MCUB: variants seen among roughly 807,000 people sequenced by gnomAD.
MCUB encodes mitochondrial calcium uniporter dominant negative subunit beta.
In MCUB, 46 loss-of-function variants were observed where a neutral mutation model predicts 41.4. The observed-to-expected ratio is 1.11, with a 90% CI of 0.88 to 1.42. The LOEUF (loss-of-function observed/expected upper bound fraction) is 1.42. Ranked by LOEUF, MCUB falls within the 40% of genes most tolerant of loss-of-function variation. The pLI is 0.00. For synonymous variants in MCUB, 148 were observed against 148.2 expected (o/e 1.00, Z 0.01); for missense variants, 403 against 404.9 (o/e 1.00, Z 0.04).
intron 7 of MCUB, 143 bp from the exon 8 acceptor site, chr4:109,687,372 A>C (rs1183649477): frequency 6.9e-6 from 4 of 582,096 alleles, no homozygotes; most frequent in African/African-American, 3.8e-5. Flanking sequence ...AAAAATATAT[A>C]TATATTTCAG....
At chr4:109,608,452 G>C (rs1727928050) in intron 1 of MCUB, among the ~76,000 whole-genome samples, 1 of 152,042 alleles carries the variant, frequency 6.6e-6, no homozygotes, top group East Asian at 1.9e-4. Context: ...GGTATTTGTA[G>C]ATATTTATTG....
chr4:109,638,441 G>A (rs1301477322), intron 1 of MCUB, among the ~76,000 whole-genome samples: 4 of 149,264 alleles, frequency 2.7e-5, no homozygotes, highest in East Asian at 3.9e-4. Context: ...CATACATTAA[G>A]ATACTTTATT....
In MCUB at chr4:109,686,290, C is replaced by T. The variant is rs535437781; in HGVS notation, c.933+923C>T. Reference sequence around the variant, plus strand: ...GTTAGCTGTGATTATAGGCGCCCGCCACCACACCTGGTTACTTTTTGTATT... The same window carrying T: ...GTTAGCTGTGATTATAGGCGCCCGCTACCACACCTGGTTACTTTTTGTATT... On this transcript the variant is annotated intron_variant, in intron 7 of 7. Transcript: ENST00000394650. Among the ~76,000 whole-genome samples the T allele has an allele frequency of 5.9e-5, 9 of 152,194 alleles. No homozygotes were observed. In the East Asian group the frequency reaches 1.7e-3, roughly 29 times the overall value.
At chr4:109,656,800 G>A (rs542747519) in intron 1 of MCUB, among the ~76,000 whole-genome samples, 1 of 152,058 alleles carries the variant, frequency 6.6e-6, no homozygotes, top group African/African-American at 2.4e-5. Context: ...AGTAGTAGAC[G>A]GTATTGTAAT....
chr4:109,648,664 A>G (rs1728890232), intron 1 of MCUB: 1 of 431,670 alleles, frequency 2.3e-6, no homozygotes, highest in South Asian at 1.7e-5. Flanking sequence ...GTAAGAGTTC[A>G]TCAAAAGAGA....
intron 1 of MCUB, among the ~76,000 whole-genome samples, chr4:109,583,000 G>A (rs1197754632): frequency 6.6e-6 from 1 of 152,146 alleles, no homozygotes; most frequent in Non-Finnish European, 1.5e-5. Context: ...GTCGCATGAT[G>A]CCTCCAGCTT....
chr4:109,637,428 C>T (rs977248644), intron 1 of MCUB, among the ~76,000 whole-genome samples: 4 of 152,130 alleles, frequency 2.6e-5, no homozygotes, highest in South Asian at 2.1e-4. Flanking sequence ...AGTCATTATA[C>T]GAAAAAGATA....
At chr4:109,652,526 C>A (rs1005251134) in intron 1 of MCUB, among the ~76,000 whole-genome samples, 1 of 152,070 alleles carries the variant, frequency 6.6e-6, no homozygotes, top group Non-Finnish European at 1.5e-5. Context: ...ATTGAGAGGT[C>A]GCATCTGGTC....
intron 1 of MCUB, among the ~76,000 whole-genome samples, chr4:109,562,125 T>A (rs191675247): frequency 6.6e-6 from 1 of 152,100 alleles, no homozygotes; most frequent in Non-Finnish European, 1.5e-5. Context: ...CTGCCCTTTC[T>A]CAAATTATCA....
chr4:109,568,505 C>T (rs1360720903), intron 1 of MCUB, among the ~76,000 whole-genome samples: 4 of 152,034 alleles, frequency 2.6e-5, no homozygotes, highest in African/African-American at 9.7e-5. Flanking sequence ...GTTCCCCAGG[C>T]GGTAGTGCCT....
intron 1 of MCUB, among the ~76,000 whole-genome samples, chr4:109,606,379 T>C (rs977856485): frequency 1.3e-5 from 2 of 152,150 alleles, no homozygotes; most frequent in Non-Finnish European, 2.9e-5. Context: ...AAGGACCTAC[T>C]CCTGCCATTT....
intron 1 of MCUB, among the ~76,000 whole-genome samples, chr4:109,604,334 C>T (rs1224115633): frequency 6.6e-6 from 1 of 151,982 alleles, no homozygotes; most frequent in African/African-American, 2.4e-5. Context: ...GTCCTGTGAC[C>T]CTGCCAAATC....
chr4:109,616,783 AAAGTC>A (rs1296422741), intron 1 of MCUB, among the ~76,000 whole-genome samples: 1 of 152,190 alleles, frequency 6.6e-6, no homozygotes, highest in Non-Finnish European at 1.5e-5. Flanking sequence ...AACATGTACT[AAAGTC>A]AAAAGTACAA....
chr4:109,676,253 G>A (rs1729576016), intron 4 of MCUB, among the ~76,000 whole-genome samples: 1 of 152,142 alleles, frequency 6.6e-6, no homozygotes, highest in African/African-American at 2.4e-5. Context: ...AAATATCGAT[G>A]GTAGGCTGGG....
chr4:109,643,053 A>C (rs1053866885), intron 1 of MCUB, among the ~76,000 whole-genome samples: 8 of 151,842 alleles, frequency 5.3e-5, no homozygotes, highest in African/African-American at 1.7e-4. Flanking sequence ...TTGGCCTCCC[A>C]AAGTGCTGGG....
intron 1 of MCUB, among the ~76,000 whole-genome samples, chr4:109,578,232 G>A (rs897972122): frequency 6.6e-6 from 1 of 152,154 alleles, no homozygotes; most frequent in African/African-American, 2.4e-5. Flanking sequence ...ATCCTCCTAA[G>A]TGCTCATAAA....
At chr4:109,652,368 G>C (rs1258700200) in intron 1 of MCUB, among the ~76,000 whole-genome samples, 4 of 152,138 alleles carry the variant, frequency 2.6e-5, no homozygotes, top group Non-Finnish European at 5.9e-5. Flanking sequence ...GTGGAAATAA[G>C]CCATAATCTT....
At chr4:109,595,260 A>G (rs1004542821) in intron 1 of MCUB, among the ~76,000 whole-genome samples, 1 of 152,238 alleles carries the variant, frequency 6.6e-6, no homozygotes, top group African/African-American at 2.4e-5. Context: ...ACATGTTTGC[A>G]GAAAGAAAGT....
chr4:109,641,125 A>G (rs1728704145), intron 1 of MCUB, among the ~76,000 whole-genome samples: 1 of 141,520 alleles, frequency 7.1e-6, no homozygotes, highest in Non-Finnish European at 1.5e-5. Flanking sequence ...TTTTGTTTAG[A>G]GGAGTCTCAC....
Sources: allele counts gnomAD v4.1 joint callset (sites outside exome capture counted in the v4.1 genomes callset), GRCh38; gene constraint gnomAD v4.1.1; transcripts MANE v1.5; gene names NCBI Gene and HGNC (gene_info 2026-07-23, HGNC 2026-07-21).